Variants in FARP1 observed in about 807,000 individuals in gnomAD.
The protein encoded by FARP1 is FERM, ARH/RhoGEF and pleckstrin domain protein 1, also known as FERM, ARHGEF and pleckstrin domain-containing protein 1.
Under a neutral mutation model 128.8 loss-of-function variants are expected in FARP1, and 52 were observed. That is an observed-to-expected ratio of 0.40 (90% CI 0.32 to 0.51). FARP1 has a LOEUF of 0.51. Among genes scored for constraint, FARP1 ranks in the 20% least tolerant of loss-of-function variants. The pLI, the probability that FARP1 is intolerant of heterozygous loss-of-function variation, is 0.45. For synonymous variants in FARP1, 580 were observed against 551.8 expected (o/e 1.05, Z -0.72); for missense variants, 1,333 against 1,367.9 (o/e 0.97, Z 0.40).
At chr13:98,147,642 C>T (rs1339562600) in intron 1 of FARP1, among the ~76,000 whole-genome samples, 1 of 151,662 alleles carries the variant, frequency 6.6e-6, no homozygotes, top group Admixed American at 6.6e-5. Context: ...AGTATAGTAT[C>T]TGAATATAGC....
intron 2 of FARP1, among the ~76,000 whole-genome samples, chr13:98,214,295 A>G (rs1880929047): frequency 6.6e-6 from 1 of 151,926 alleles, no homozygotes; most frequent in African/African-American, 2.4e-5. Context: ...GCTAAGCAGC[A>G]GGCCCACTCC....
In FARP1 at chr13:98,410,777, C is replaced by T. The variant is rs1891160316; in HGVS notation, c.1646C>T (p.Ser549Phe). 3 of 1,605,844 alleles carry T rather than the reference C, an allele frequency of 1.9e-6. No individual in the cohort carries two copies. Among genetic ancestry groups the T allele is most frequent in the Middle Eastern group, 1.7e-4 (1 of 6,052 alleles). The change falls in exon 15 of 27, where the codon TCT (serine) becomes TTT (phenylalanine). Residue 549 changes from serine to phenylalanine, a missense_variant. Coordinates refer to ENST00000319562, the MANE Select transcript of FARP1 (RefSeq NM_005766.4). ...DKAYFIAKEV[S>F]TTERTYLKDL... ...GCGTACTTCATAGCTAAGGAAGTGT[C>T]TACCACCGAGCGAACATATCTGAAG...
intron 1 of FARP1, among the ~76,000 whole-genome samples, chr13:98,212,889 A>G (rs1880817685): frequency 6.6e-6 from 1 of 152,236 alleles, no homozygotes; most frequent in African/African-American, 2.4e-5. Context: ...GGCACTGTTT[A>G]TCATCTTCCC....
chr13:98,390,197 A>G (rs1461356596), intron 10 of FARP1, 77 bp downstream of exon 10: 2 of 1,499,454 alleles, frequency 1.3e-6, no homozygotes, highest in African/African-American at 1.4e-5. Context: ...TGTGACACAC[A>G]GCAGGTCAGG....
At chr13:98,442,199 C>T (rs1892552982) in intron 24 of FARP1, among the ~76,000 whole-genome samples, 2 of 152,232 alleles carry the variant, frequency 1.3e-5, no homozygotes, top group Admixed American at 1.3e-4. Flanking sequence ...CCAGTTCCCA[C>T]ACAGGCCTGG....
intron 1 of FARP1, among the ~76,000 whole-genome samples, chr13:98,147,298 T>A (rs183681167): frequency 1.3e-5 from 2 of 152,306 alleles, no homozygotes; most frequent in Admixed American, 1.3e-4. Flanking sequence ...CTGCAAACTG[T>A]TAACTCAGAT....
chr13:98,210,557 TC>T (rs57469637), intron 1 of FARP1, among the ~76,000 whole-genome samples: 32,909 of 147,778 alleles, frequency 0.22, 5,542 homozygotes, highest in East Asian at 0.67. Context: ...TTCTATCTTT[TC>T]TTTTTTTTTG....
intron 1 of FARP1, among the ~76,000 whole-genome samples, chr13:98,211,191 G>T (rs1880682894): frequency 6.6e-6 from 1 of 152,186 alleles, no homozygotes; most frequent in Non-Finnish European, 1.5e-5. Flanking sequence ...GGGGTCCCCA[G>T]ATCCTGGGCC....
intron 2 of FARP1, among the ~76,000 whole-genome samples, chr13:98,310,500 A>G (rs1886411790): frequency 6.6e-6 from 1 of 152,252 alleles, no homozygotes; most frequent in Admixed American, 6.5e-5. Flanking sequence ...TAAATATTCC[A>G]ATCTTAGTGA....
At chr13:98,258,076 C>T (rs1000879566) in intron 2 of FARP1, among the ~76,000 whole-genome samples, 45 of 152,202 alleles carry the variant, frequency 3.0e-4, no homozygotes, top group African/African-American at 1.1e-3. Flanking sequence ...TGGGTTCACG[C>T]CATTCTCCTG....
In FARP1 at chr13:98,372,081, C is replaced by CTTTTTTT. The variant is rs56838920; in HGVS notation, c.398+3902_398+3908dup. Among the ~76,000 whole-genome samples, 16 of 92,340 alleles carry CTTTTTTT rather than the reference C, an allele frequency of 1.7e-4. 1 individual carries two copies. Among genetic ancestry groups the CTTTTTTT allele is most frequent in the African/African-American group, 2.2e-4 (5 of 22,960 alleles). The allele number at this position is 92,340 out of a possible 152,430, so 60.6% of individuals were successfully genotyped here. A position where few individuals can be genotyped will look rare whatever the true frequency, so the allele number is the denominator to read the frequency against. Reference sequence around the variant, plus strand: ...TTTGGAAAAGATGATCCCAGTTTTTCTTTTTTTTTTTTTTTTTTTTTTGGC... The same window carrying CTTTTTTT: ...TTTGGAAAAGATGATCCCAGTTTTTCTTTTTTTTTTTTTTTTTTTTTTTTTTTTTGGC... On this transcript the variant is annotated intron_variant, in intron 5 of 26. Coordinates refer to ENST00000319562, the MANE Select transcript of FARP1 (RefSeq NM_005766.4).
At chr13:98,427,819 A>G (rs1218987780) in intron 17 of FARP1, among the ~76,000 whole-genome samples, 2 of 152,216 alleles carry the variant, frequency 1.3e-5, no homozygotes, top group African/African-American at 4.8e-5. Flanking sequence ...GAGCGTTTAT[A>G]GCATGGAGCT....
At position 98,216,291 on chromosome 13, in the gene FARP1, G is replaced by C. The variant is rs143336440; in HGVS notation, c.171+2878G>C. Among the ~76,000 whole-genome samples the C allele has an allele frequency of 2.5e-3, 385 of 152,310 alleles. 2 individuals carry two copies. Among genetic ancestry groups the C allele is most frequent in the African/African-American group, 8.6e-3 (357 of 41,584 alleles). ...CATGGGGGCTGGCTGTGATGGCCCA[G>C]TCATCAGGGATTGGGAGGAAGGTGA... On this transcript the variant is annotated intron_variant, in intron 2 of 26. Transcript: ENST00000319562.
intron 2 of FARP1, among the ~76,000 whole-genome samples, chr13:98,228,002 C>T (rs1881894046): frequency 6.6e-6 from 1 of 152,190 alleles, no homozygotes; most frequent in South Asian, 2.1e-4. Context: ...CAGATGAAAA[C>T]ATTGGGAGAT....
At chr13:98,365,663 C>A (rs998166698) in intron 4 of FARP1, among the ~76,000 whole-genome samples, 2 of 152,164 alleles carry the variant, frequency 1.3e-5, no homozygotes, top group Admixed American at 6.5e-5. Flanking sequence ...AATAAAATAT[C>A]ATTTTGATTA....
chr13:98,416,778 C>T (rs1290101490), intron 16 of FARP1, among the ~76,000 whole-genome samples: 2 of 152,124 alleles, frequency 1.3e-5, no homozygotes, highest in African/African-American at 4.8e-5. Context: ...GGTGGAAGGC[C>T]TGCTTTGCTA....
chr13:98,404,711 C>T (rs947792005), intron 13 of FARP1: 1 of 152,128 alleles, frequency 6.6e-6, no homozygotes, highest in Non-Finnish European at 1.5e-5. Context: ...AGATAAGTGG[C>T]ACCCAGAAGA....
chr13:98,340,772 G>T (rs141619788), intron 2 of FARP1: 220 of 152,356 alleles, frequency 1.4e-3, no homozygotes, highest in African/African-American at 5.0e-3. Context: ...CAGGATTAGG[G>T]ACTGGAATGG....
At chr13:98,215,589 A>G (rs965732983) in intron 2 of FARP1, among the ~76,000 whole-genome samples, 2 of 152,220 alleles carry the variant, frequency 1.3e-5, no homozygotes, top group Non-Finnish European at 2.9e-5. Context: ...ATGTAGTAAG[A>G]GCTTAACTAA....
Sources: allele counts gnomAD v4.1 joint callset (sites outside exome capture counted in the v4.1 genomes callset), GRCh38; gene constraint gnomAD v4.1.1; transcripts MANE v1.5; gene names NCBI Gene and HGNC (gene_info 2026-07-23, HGNC 2026-07-21).